The following CTNNA2 variants were observed in gnomAD, a reference collection of about 807,000 sequenced individuals.
The protein encoded by CTNNA2 is catenin alpha 2.
Under a neutral mutation model 101.0 loss-of-function variants are expected in CTNNA2, and 42 were observed. The ratio of observed to expected loss-of-function variants is 0.42; its 90% CI spans 0.32 to 0.54. The LOEUF (loss-of-function observed/expected upper bound fraction) is 0.54. CTNNA2 is among the 20% of genes least tolerant of loss of function. The pLI is 0.14. For missense variants in CTNNA2, 871 were observed against 1,223.1 expected (o/e 0.71, Z 4.29); for synonymous variants, 450 against 456.4 (o/e 0.99, Z 0.18).
At chr2:79,835,683 T>TTTTTTTTTTGTTTGTTTG (rs1679298052) in intron 3 of CTNNA2, among the ~76,000 whole-genome samples, 2 of 129,718 alleles carry the variant, frequency 1.5e-5, no homozygotes, top group African/African-American at 6.2e-5. Context: ...TTTTTTTTTT[T>TTTTTTTTTTGTTTGTTTG]TTTTTTTTTT....
chr2:79,825,845 C>A (rs1314662171), intron 3 of CTNNA2, among the ~76,000 whole-genome samples: 4 of 152,174 alleles, frequency 2.6e-5, no homozygotes, highest in Non-Finnish European at 4.4e-5. Context: ...GATACAAATA[C>A]TCCATTTCCA....
intron 7 of CTNNA2, among the ~76,000 whole-genome samples, chr2:80,113,488 C>T (rs561518267): frequency 5.9e-5 from 9 of 152,268 alleles, no homozygotes; most frequent in East Asian, 5.8e-4. Flanking sequence ...GTCATTCTTC[C>T]GGATCAGGAA....
chr2:79,234,552 C>G (rs1674533364), intron 2 of CTNNA2, among the ~76,000 whole-genome samples: 1 of 152,008 alleles, frequency 6.6e-6, no homozygotes, highest in South Asian at 2.1e-4. Flanking sequence ...CAGGAGTTCT[C>G]TATATTTTTT....
chr2:80,176,658 T>C (rs1206877384), intron 7 of CTNNA2, among the ~76,000 whole-genome samples: 2 of 152,194 alleles, frequency 1.3e-5, no homozygotes, highest in African/African-American at 4.8e-5. Flanking sequence ...TTGACCTTAA[T>C]CACAGGGCAT....
At chr2:79,450,161 T>C (rs1341931703) in intron 4 of CTNNA2, among the ~76,000 whole-genome samples, 1 of 151,794 alleles carries the variant, frequency 6.6e-6, no homozygotes, top group Non-Finnish European at 1.5e-5. Context: ...CATGAGAACA[T>C]TTTCCTTTTT....
At chr2:80,594,608 G>A (rs867423872) in intron 15 of CTNNA2, among the ~76,000 whole-genome samples, 7 of 151,520 alleles carry the variant, frequency 4.6e-5, no homozygotes, top group African/African-American at 1.7e-4. Flanking sequence ...TTTCTCCTGT[G>A]TTTTCTTCTT....
At chr2:79,810,510 C>CCTTTT (rs775210947) in intron 3 of CTNNA2, among the ~76,000 whole-genome samples, 1 of 148,184 alleles carries the variant, frequency 6.7e-6, no homozygotes, top group African/African-American at 2.6e-5. Context: ...TGCCTTTTCA[C>CCTTTT]CTTTTCTTTT....
At chr2:79,587,420 A>G (rs1676567641) in intron 1 of CTNNA2, among the ~76,000 whole-genome samples, 1 of 151,566 alleles carries the variant, frequency 6.6e-6, no homozygotes, top group Non-Finnish European at 1.5e-5. Context: ...CTCTGGCTTC[A>G]AAGTGTGTGC....
At chr2:79,797,821 A>G (rs1187857421) in intron 3 of CTNNA2, among the ~76,000 whole-genome samples, 2 of 152,004 alleles carry the variant, frequency 1.3e-5, no homozygotes, top group East Asian at 3.9e-4. Context: ...GTAAAAGTTA[A>G]TGGTTTATTA....
chr2:79,229,838 G>T (rs545380848), intron 2 of CTNNA2, among the ~76,000 whole-genome samples: 26 of 152,340 alleles, frequency 1.7e-4, no homozygotes, highest in Admixed American at 1.6e-3. Context: ...TGAGGAACTT[G>T]TTGGGAACTG....
chr2:80,081,104 A>G (rs1699113659), intron 7 of CTNNA2, among the ~76,000 whole-genome samples: 2 of 151,824 alleles, frequency 1.3e-5, no homozygotes, highest in Admixed American at 6.6e-5. Flanking sequence ...GTTGGTTAAA[A>G]AAAAAAAAAG....
intron 2 of CTNNA2, among the ~76,000 whole-genome samples, chr2:79,740,056 G>A (rs1272715817): frequency 2.6e-5 from 4 of 152,106 alleles, no homozygotes; most frequent in African/African-American, 9.7e-5. Flanking sequence ...GTGCAGGTTT[G>A]TTATATAGGT....
intron 2 of CTNNA2, among the ~76,000 whole-genome samples, chr2:79,737,022 G>T (rs1670929565): frequency 6.6e-6 from 1 of 152,110 alleles, no homozygotes; most frequent in Admixed American, 6.5e-5. Flanking sequence ...ATGTATCATG[G>T]CACCTAAAAT....
At chr2:79,247,504 A>T (rs1274811334) in intron 2 of CTNNA2, among the ~76,000 whole-genome samples, 1 of 152,152 alleles carries the variant, frequency 6.6e-6, no homozygotes, top group African/African-American at 2.4e-5. Context: ...TACTAATGAA[A>T]CAGGTCTGTG....
intron 1 of CTNNA2, among the ~76,000 whole-genome samples, chr2:79,579,219 CCTCT>C (rs1236351576): frequency 6.8e-6 from 1 of 148,106 alleles, no homozygotes; most frequent in African/African-American, 2.5e-5. Context: ...TCCCTCCCTC[CCTCT>C]ATCCCTTCCC....
intron 4 of CTNNA2, among the ~76,000 whole-genome samples, chr2:79,471,952 A>T (rs78573165): frequency 0.024 from 3,626 of 152,302 alleles, 61 homozygotes; most frequent in Non-Finnish European, 0.039. Flanking sequence ...AAATACATTT[A>T]TTCCAGTCCA....
chr2:80,061,970 A>T (rs1697628639), intron 7 of CTNNA2, among the ~76,000 whole-genome samples: 1 of 152,244 alleles, frequency 6.6e-6, no homozygotes, highest in Admixed American at 6.5e-5. Flanking sequence ...AATCCCAATT[A>T]ACATTTCCTG....
intron 3 of CTNNA2, among the ~76,000 whole-genome samples, chr2:79,788,997 G>T (rs1024656130): frequency 6.6e-6 from 1 of 151,860 alleles, no homozygotes; most frequent in Admixed American, 6.6e-5. Context: ...CACCATGTCA[G>T]CTGTTAAAAA....
At chr2:79,466,592 C>A (rs1341403669) in intron 4 of CTNNA2, among the ~76,000 whole-genome samples, 1 of 152,166 alleles carries the variant, frequency 6.6e-6, no homozygotes, top group Non-Finnish European at 1.5e-5. Context: ...CAAGTGGGTC[C>A]CTGGCCCCTG....
Sources: allele counts gnomAD v4.1 joint callset (sites outside exome capture counted in the v4.1 genomes callset), GRCh38; gene constraint gnomAD v4.1.1; transcripts MANE v1.5; gene names NCBI Gene and HGNC (gene_info 2026-07-23, HGNC 2026-07-21).